ABR: variants seen among roughly 807,000 people sequenced by gnomAD.
The protein encoded by ABR is active breakpoint cluster region-related protein.
A neutral mutation model predicts 107.2 loss-of-function variants in ABR; 35 were observed. That is an observed-to-expected ratio of 0.33 (90% CI 0.25 to 0.43). The LOEUF (loss-of-function observed/expected upper bound fraction) is 0.43, where lower values mean the gene tolerates loss of function less well. Among genes scored for constraint, ABR ranks in the 20% least tolerant of loss-of-function variants. The probability of loss-of-function intolerance (pLI) is 1.00; values close to 1 mark genes in which losing one functional copy is unlikely to be tolerated. For synonymous variants in ABR, 498 were observed against 462.0 expected (o/e 1.08, Z -1.00); for missense variants, 815 against 1,115.2 (o/e 0.73, Z 3.83).
intron 1 of ABR, among the ~76,000 whole-genome samples, chr17:1,128,239 C>A (rs1364773661): frequency 2.6e-5 from 4 of 152,226 alleles, no homozygotes; most frequent in Non-Finnish European, 5.9e-5. Context: ...GGAAACCAAT[C>A]CTCGGAGAAG....
At chr17:1,059,677 C>T (rs1210136342) in intron 10 of ABR, among the ~76,000 whole-genome samples, 1 of 152,208 alleles carries the variant, frequency 6.6e-6, no homozygotes, top group Non-Finnish European at 1.5e-5. Flanking sequence ...CTCAATGTTC[C>T]AAGTTTCTGT....
chr17:1,066,149 G>T lies in ABR; in HGVS notation c.1182+928C>A, dbSNP rs143792601. On this transcript the variant is annotated intron_variant, in intron 10 of 22. Coordinates refer to ENST00000302538, the MANE Select transcript of ABR (RefSeq NM_021962.5). Reference sequence around the variant, plus strand: ...CATCCTCAGCCTCCCAAAGTTCTGGGATTAAAGGTGTGAGCCACTGCACCC... The same window carrying T: ...CATCCTCAGCCTCCCAAAGTTCTGGTATTAAAGGTGTGAGCCACTGCACCC... Among the ~76,000 whole-genome samples the T allele has an allele frequency of 4.7e-4, 71 of 152,262 alleles. No homozygotes were observed. In the East Asian group the frequency reaches 0.012, roughly 25 times the overall value.
At chr17:1,007,425 C>T in intron 21 of ABR, 113 bp from the exon 22 acceptor site, 1 of 1,301,114 alleles carries the variant, frequency 7.7e-7, no homozygotes, top group Non-Finnish European at 1.1e-6. Context: ...AAGGGGTCAC[C>T]TCGTCTCTGT....
chr17:1,101,803 G>C lies in ABR; in HGVS notation c.247-1068C>G, dbSNP rs978176578. On this transcript the variant is annotated intron_variant, in intron 2 of 22. Transcript: ENST00000302538. ...GGCTAGAGTGCAGTGGCGCGATCTC[G>C]GCTCACTGCAAGCTCCGCCTCCCGG... 2.0e-5 allele frequency among the ~76,000 whole-genome samples: 3 copies of C among 150,914 alleles called. No individual in the cohort carries two copies. In the East Asian group the frequency reaches 5.8e-4, roughly 29 times the overall value.
At chr17:1,226,695 AGG>A (rs1491279692) in intron 1 of ABR, among the ~76,000 whole-genome samples, 4 of 114,356 alleles carry the variant, frequency 3.5e-5, no homozygotes, top group Non-Finnish European at 6.0e-5. Flanking sequence ...TTACATGTGC[AGG>A]TGTGTGTGTG....
intron 16 of ABR, chr17:1,039,732 G>C (rs537822938): frequency 6.6e-6 from 1 of 152,320 alleles, no homozygotes; most frequent in East Asian, 1.9e-4. Flanking sequence ...ACTGGCACAG[G>C]GGTGGGGGTG....
Position 1,067,217 on chromosome 17 carries a change from A to G in ABR, c.1042T>C (p.Trp348Arg). 1 of 1,605,452 alleles carries G rather than the reference A, an allele frequency of 6.2e-7. No individual in the cohort carries two copies. Among genetic ancestry groups the G allele is most frequent in the Non-Finnish European group, 8.5e-7 (1 of 1,175,958 alleles). ...ACCAGGTCGGCCAGGGGGATGTACCACTTACAGTCATACTGCTGGTGCTTC... is the reference window on the plus strand; with the variant it reads ...ACCAGGTCGGCCAGGGGGATGTACCGCTTACAGTCATACTGCTGGTGCTTC... The part of the protein sequence containing the change: ...AGKHQQYDCK[W>R]YIPLADLVFP... The change falls in exon 10 of 23, where the codon TGG (tryptophan) becomes CGG (arginine). Residue 348 changes from tryptophan (W) to arginine (R), a missense_variant. By Grantham distance (101) the Trp-to-Arg change is moderately radical (BLOSUM62 -3). This residue lies in a region of ABR where 385 missense variants were observed against 596.9 expected (regional missense o/e 0.64). Transcript: ENST00000302538.
chr17:1,018,267 C>T lies in ABR; in HGVS notation c.1792-5103G>A, dbSNP rs544681498. 2.9e-3 allele frequency among the ~76,000 whole-genome samples: 441 copies of T among 152,176 alleles called. 8 individuals are homozygous for T. The highest frequency in any genetic ancestry group is 0.024 in the Admixed American group (374 of 15,278). On this transcript the variant is annotated intron_variant, in intron 16 of 22. Coordinates refer to ENST00000302538, the MANE Select transcript of ABR (RefSeq NM_021962.5). ...CCGTGTTAGCCAGGATGGTCTTGATCTCCTGACCTCGTGATTCGCCCACCT... is the reference window on the plus strand; with the variant it reads ...CCGTGTTAGCCAGGATGGTCTTGATTTCCTGACCTCGTGATTCGCCCACCT...
rs1286020285 is a variant in ABR, at chr17:1,051,326, C to G, written c.1562-692G>C. Among the ~76,000 whole-genome samples the G allele has an allele frequency of 6.6e-6, 1 of 152,174 alleles. No homozygotes were observed. Among genetic ancestry groups the G allele is most frequent in the Admixed American group, 6.5e-5 (1 of 15,274 alleles). ...TGGGTTTTCCTGCCTGCCGGTGTAC[C>G]CGCAGTACCAAGAACAGGGCTGGGA... On this transcript the variant is annotated intron_variant, in intron 14 of 22. Coordinates refer to ENST00000302538, the MANE Select transcript of ABR (RefSeq NM_021962.5). This position sits in a 1 kb window ranked among gnomAD's most constrained non-coding sequence, Gnocchi z 4.3.
chr17:1,031,244 G>A (rs2072711703), intron 16 of ABR, among the ~76,000 whole-genome samples: 1 of 152,188 alleles, frequency 6.6e-6, no homozygotes, highest in Admixed American at 6.5e-5. Flanking sequence ...CTGGATGCAG[G>A]GATCAGGTAG....
intron 2 of ABR, chr17:1,108,812 ACC>A (rs2038441175): frequency 2.2e-5 from 9 of 400,634 alleles, no homozygotes; most frequent in African/African-American, 4.8e-5. Context: ...CGGGGCCGGG[ACC>A]CTCCGCCGAG....
In ABR at chr17:1,078,912, G is replaced by T; in HGVS notation, c.700+418C>A. On this transcript the variant is annotated intron_variant, in intron 6 of 22. Transcript: ENST00000302538. The surrounding 1 kb of genome is among the most constrained non-coding windows in gnomAD (Gnocchi z 7.5). ...GTGCAGCCATCGCTCCAGGCTCCCCGGCGCCCACCAGCAGCCCGGCCACTC... is the reference window on the plus strand; with the variant it reads ...GTGCAGCCATCGCTCCAGGCTCCCCTGCGCCCACCAGCAGCCCGGCCACTC... 1.3e-6 allele frequency: 2 copies of T among 1,533,346 alleles called. No homozygotes were observed. Among genetic ancestry groups the T allele is most frequent in the Non-Finnish European group, 1.7e-6 (2 of 1,145,582 alleles). 95.0% of individuals were successfully genotyped at this position (1,533,346 alleles called of 1,614,324 possible).
chr17:1,159,694 A>AGTAAGAAT (rs1257725622), intron 1 of ABR, among the ~76,000 whole-genome samples: 2 of 47,578 alleles, frequency 4.2e-5, no homozygotes, highest in Admixed American at 2.2e-4. Context: ...ACACAGGAGA[A>AGTAAGAAT]GCAGGAATGC....
Position 1,010,661 on chromosome 17 carries a change from A to G in ABR, c.2236+68T>C. The G allele has an allele frequency of 6.3e-7, 1 of 1,576,204 alleles. No individual in the cohort carries two copies. The highest frequency in any genetic ancestry group is 8.6e-7 in the Non-Finnish European group (1 of 1,159,032). On this transcript the variant is annotated intron_variant, in intron 20 of 22. Coordinates refer to ENST00000302538, the MANE Select transcript of ABR (RefSeq NM_021962.5). The surrounding 1 kb of genome is among the most constrained non-coding windows in gnomAD (Gnocchi z 4.1). Reference sequence around the variant, plus strand: ...GCCACAGATATTTCTCCTGCTGGTTACTTCTCCGGGCAGGGAGTCCTGGCT... The same window carrying G: ...GCCACAGATATTTCTCCTGCTGGTTGCTTCTCCGGGCAGGGAGTCCTGGCT...
Position 1,072,771 on chromosome 17 carries a change from G to A in ABR, c.754-17C>T, listed in dbSNP as rs371767900. On this transcript the variant is annotated splice_polypyrimidine_tract_variant and intron_variant, in intron 7 of 22. Transcript: ENST00000302538. Reference sequence around the variant, plus strand: ...CAGCAGGTCCTGGGAAGGGTGAGGCGGTGAGTTGAGGGGAGCGGCTCTGGG... The same window carrying A: ...CAGCAGGTCCTGGGAAGGGTGAGGCAGTGAGTTGAGGGGAGCGGCTCTGGG... 62 of 1,610,482 alleles carry A rather than the reference G, an allele frequency of 3.8e-5. No homozygotes were observed. The highest frequency in any genetic ancestry group is 4.4e-5 in the Non-Finnish European group (52 of 1,179,132).
intron 10 of ABR, among the ~76,000 whole-genome samples, chr17:1,065,742 C>CTT (rs56388222): frequency 0.019 from 2,240 of 116,052 alleles, 58 homozygotes; most frequent in Admixed American, 0.049. Context: ...CAAACCAATG[C>CTT]TTTTTTTTTT....
chr17:1,172,252 A>G (rs561051279), intron 1 of ABR, among the ~76,000 whole-genome samples: 1 of 152,352 alleles, frequency 6.6e-6, no homozygotes, highest in East Asian at 1.9e-4. Flanking sequence ...CCAAATGCCC[A>G]GGCAGGGGTG....
chr17:1,024,278 G>A (rs1053956642), intron 16 of ABR, among the ~76,000 whole-genome samples: 21 of 152,182 alleles, frequency 1.4e-4, no homozygotes, highest in Admixed American at 1.3e-3. Flanking sequence ...GTGCCAGGAC[G>A]GGCACCACAC....
chr17:1,141,747 T>A (rs1297397423), intron 1 of ABR, among the ~76,000 whole-genome samples: 1 of 151,310 alleles, frequency 6.6e-6, no homozygotes, highest in Admixed American at 6.6e-5. Flanking sequence ...GCTGGTGGAC[T>A]AGTTACGACT....
Sources: allele counts gnomAD v4.1 joint callset (sites outside exome capture counted in the v4.1 genomes callset), GRCh38; gene constraint gnomAD v4.1.1; regional missense constraint gnomAD v4.1.1; non-coding constraint Gnocchi (gnomAD v3.1); transcripts MANE v1.5; gene names NCBI Gene and HGNC (gene_info 2026-07-23, HGNC 2026-07-21).